PLD5: variants seen among roughly 807,000 people sequenced by gnomAD.
PLD5 encodes the protein inactive phospholipase D5.
In PLD5, 36 loss-of-function variants were observed where a neutral mutation model predicts 61.1. The observed-to-expected ratio is 0.59, with a 90% CI of 0.45 to 0.78. The LOEUF (loss-of-function observed/expected upper bound fraction) is 0.78, where lower values mean the gene tolerates loss of function less well. PLD5 is among the 30% of genes least tolerant of loss of function. PLD5 has a pLI of 0.00. For synonymous variants in PLD5, 243 were observed against 242.8 expected, an observed-to-expected ratio of 1.00 and a Z score of -0.01; for missense variants, 515 against 644.4, an observed-to-expected ratio of 0.80 and a Z score of 2.17.
intron 1 of PLD5, among the ~76,000 whole-genome samples, chr1:242,360,648 T>C (rs977622736): frequency 2.0e-5 from 3 of 152,168 alleles, no homozygotes; most frequent in African/African-American, 7.2e-5. Context: ...TATATTCTGC[T>C]TTTTGCACTC....
intron 1 of PLD5, among the ~76,000 whole-genome samples, chr1:242,358,661 A>G (rs1660891581): frequency 6.6e-6 from 1 of 151,930 alleles, no homozygotes; most frequent in Admixed American, 6.6e-5. Context: ...ATATACTGCT[A>G]TCTGGACTCA....
intron 4 of PLD5, among the ~76,000 whole-genome samples, chr1:242,236,984 C>T (rs985284689): frequency 2.0e-5 from 3 of 152,286 alleles, no homozygotes; most frequent in Admixed American, 1.3e-4. Context: ...AAAAAAGAAT[C>T]CAGGATACTG....
intron 1 of PLD5, among the ~76,000 whole-genome samples, chr1:242,522,470 ACATAGT>A (rs1166114257): frequency 1.3e-5 from 2 of 152,254 alleles, no homozygotes; most frequent in African/African-American, 4.8e-5. Context: ...ATGACTCAAG[ACATAGT>A]CATAGAAGGC....
At chr1:242,291,717 A>G (rs1198783280) in intron 2 of PLD5, among the ~76,000 whole-genome samples, 1 of 152,060 alleles carries the variant, frequency 6.6e-6, no homozygotes, top group Non-Finnish European at 1.5e-5. Context: ...GAGGCAGGAG[A>G]ATGGCATGAA....
intron 4 of PLD5, among the ~76,000 whole-genome samples, chr1:242,220,401 C>T (rs12408396): frequency 0.3 from 46,195 of 152,054 alleles, 7,312 homozygotes; most frequent in East Asian, 0.53. Flanking sequence ...GACAAGACCA[C>T]GGCTTCTCAA....
In PLD5 at chr1:242,149,475, T is replaced by C. The variant is rs149480578; in HGVS notation, c.736-24810A>G. Among the ~76,000 whole-genome samples, 72 of 151,934 alleles carry C rather than the reference T, an allele frequency of 4.7e-4. 2 individuals are homozygous for C. In the East Asian group the frequency reaches 0.013, roughly 27 times the overall value. On this transcript the variant is annotated intron_variant, in intron 5 of 9. Coordinates refer to ENST00000536534, the MANE Select transcript of PLD5 (RefSeq NM_001372062.1). ...TCTCATTTTGGTATTTGGGAAATGC[T>C]GGCATCATAAGATGAGTTGGAAAGT...
At chr1:242,334,423 A>G (rs187561899) in intron 2 of PLD5, among the ~76,000 whole-genome samples, 14 of 152,308 alleles carry the variant, frequency 9.2e-5, no homozygotes, top group Non-Finnish European at 2.1e-4. Flanking sequence ...AAAATAAAAG[A>G]AAAACACTGA....
At chr1:242,510,612 G>A (rs1367448267) in intron 1 of PLD5, among the ~76,000 whole-genome samples, 2 of 152,132 alleles carry the variant, frequency 1.3e-5, no homozygotes, top group Non-Finnish European at 2.9e-5. Context: ...TTGGGAGGCC[G>A]AGGCGGGTGG....
intron 1 of PLD5, among the ~76,000 whole-genome samples, chr1:242,433,794 A>C (rs528658713): frequency 6.6e-6 from 1 of 152,262 alleles, no homozygotes; most frequent in South Asian, 2.1e-4. Flanking sequence ...GCCTCAAGAC[A>C]AGATCATGCA....
At chr1:242,247,015 G>A (rs566019367) in intron 4 of PLD5, among the ~76,000 whole-genome samples, 2 of 146,872 alleles carry the variant, frequency 1.4e-5, no homozygotes, top group Non-Finnish European at 3.0e-5. Flanking sequence ...ACGGAGTTTC[G>A]CTCTGTCGCC....
chr1:242,244,605 G>T (rs545902858), intron 4 of PLD5, among the ~76,000 whole-genome samples: 13 of 152,346 alleles, frequency 8.5e-5, no homozygotes, highest in African/African-American at 3.1e-4. Flanking sequence ...TGTAACCAGG[G>T]TGTCATTTCC....
Position 242,137,623 on chromosome 1 carries a change from C to T in PLD5, c.736-12958G>A, listed in dbSNP as rs1017206884. 4.6e-5 allele frequency among the ~76,000 whole-genome samples: 7 copies of T among 151,998 alleles called. No homozygotes were observed. The South Asian group carries it at 6.2e-4, about 14-fold the overall frequency. On this transcript the variant is annotated intron_variant, in intron 5 of 9. Coordinates refer to ENST00000536534, the MANE Select transcript of PLD5 (RefSeq NM_001372062.1). ...TTCCATTAGCCAGCCCAGTGTGGTT[C>T]GAACTTGCAAGATTCTTTGGGGAGA... is the stretch of plus-strand genomic sequence containing the variant.
chr1:242,461,801 T>C (rs1667126973), intron 1 of PLD5, among the ~76,000 whole-genome samples: 1 of 152,232 alleles, frequency 6.6e-6, no homozygotes, highest in Admixed American at 6.5e-5. Context: ...TGTGAGATGG[T>C]ATCTGGTTGT....
Position 242,265,338 on chromosome 1 carries a change from C to G in PLD5, c.606G>C (p.Lys202Asn). 1 of 1,608,760 alleles carries G rather than the reference C, an allele frequency of 6.2e-7. No homozygotes were observed. Among genetic ancestry groups the G allele is most frequent in the Non-Finnish European group, 8.5e-7 (1 of 1,178,940 alleles). Residue 202 changes from lysine to asparagine, a missense_variant and splice_region_variant, in exon 4 of 10, where the codon AAG (lysine) becomes AAC (asparagine). Transcript: ENST00000536534. ...DSKVLEALKL[K>N]GAEVTYMNMT... ...ATAGCATATCAACCTTGGTCTTACC[C>G]TTTAATTTCAAGGCTTCTAATACCT...
At chr1:242,320,370 G>A (rs1658310090) in intron 2 of PLD5, among the ~76,000 whole-genome samples, 1 of 152,198 alleles carries the variant, frequency 6.6e-6, no homozygotes, top group Non-Finnish European at 1.5e-5. Flanking sequence ...GAAGCACTAT[G>A]GTTAGCTGAT....
At chr1:242,119,069 A>C (rs116668620) in intron 6 of PLD5, among the ~76,000 whole-genome samples, 111 of 152,296 alleles carry the variant, frequency 7.3e-4, no homozygotes, top group African/African-American at 2.6e-3. Flanking sequence ...ATCCTCTTCA[A>C]TATTCCAGCT....
intron 1 of PLD5, among the ~76,000 whole-genome samples, chr1:242,502,266 A>G (rs1208902464): frequency 1.3e-5 from 2 of 152,188 alleles, no homozygotes; most frequent in East Asian, 3.9e-4. Flanking sequence ...TAGATTTACA[A>G]TGTCGATGGC....
intron 3 of PLD5, among the ~76,000 whole-genome samples, chr1:242,286,115 T>C (rs937340958): frequency 1.3e-5 from 2 of 151,630 alleles, no homozygotes; most frequent in African/African-American, 4.8e-5. Flanking sequence ...TCTCCAAAAA[T>C]AAAATAAAAT....
intron 6 of PLD5, among the ~76,000 whole-genome samples, chr1:242,124,039 G>C (rs1384520414): frequency 6.6e-6 from 1 of 152,160 alleles, no homozygotes; most frequent in Non-Finnish European, 1.5e-5. Context: ...CTCATCAAAG[G>C]GTTCTGATAA....
Sources: allele counts gnomAD v4.1 joint callset (sites outside exome capture counted in the v4.1 genomes callset), GRCh38; gene constraint gnomAD v4.1.1; transcripts MANE v1.5; gene names NCBI Gene and HGNC (gene_info 2026-07-23, HGNC 2026-07-21).